PRKAG2: variants seen among roughly 807,000 people sequenced by gnomAD.
PRKAG2 encodes the protein protein kinase AMP-activated non-catalytic subunit gamma 2.
PRKAG2 carries 26 observed loss-of-function variants against 69.6 expected under a neutral mutation model. That is an observed-to-expected ratio of 0.37 (90% CI 0.27 to 0.52). The LOEUF (loss-of-function observed/expected upper bound fraction) is 0.52. Ranked by LOEUF, PRKAG2 falls within the 20% of genes least tolerant of loss-of-function variation. The probability of loss-of-function intolerance (pLI) is 0.90; values close to 1 mark genes in which losing one functional copy is unlikely to be tolerated. For missense variants in PRKAG2, 557 were observed against 740.0 expected (o/e 0.75, Z 2.87); for synonymous variants, 293 against 285.0 (o/e 1.03, Z -0.28).
intron 1 of PRKAG2, among the ~76,000 whole-genome samples, chr7:151,845,008 G>C (rs1259384849): frequency 6.6e-6 from 1 of 152,094 alleles, no homozygotes; most frequent in East Asian, 1.9e-4. Flanking sequence ...AGTGTATGCG[G>C]AGCTCCAGGG....
rs200589374 is a variant in PRKAG2 at position 151,565,815 on chromosome 7, T to C, written c.1304A>G (p.Asn435Ser). Residue 435 changes from asparagine to serine, a missense_variant, in exon 12 of 16, where the codon AAC (asparagine) becomes AGC (serine). By Grantham distance (46) the Asn-to-Ser change is conservative. Transcript: ENST00000287878. ...LDELGIGTYH[N>S]IAFIHPDTPI... ...AGTGTCTGGATGTATGAAGGCAATG[T>C]TGTGGTACGTTCCTATTCCAAGCTC... is the stretch of plus-strand genomic sequence containing the variant. 6.8e-5 allele frequency: 110 copies of C among 1,612,214 alleles called. No individual in the cohort carries two copies. The highest frequency in any genetic ancestry group is 2.3e-4 in the Admixed American group (14 of 60,002).
At position 151,795,211 on chromosome 7, in the gene PRKAG2, A is replaced by C. The variant is rs1346265740; in HGVS notation, c.115-8670T>G. On this transcript the variant is annotated intron_variant, in intron 1 of 15. Transcript: ENST00000287878. ...GCACCTAGAGGGACAGGTTGGGTGG[A>C]GGCTACAGGAGTCTGGGTCAGCTCC... Among the ~76,000 whole-genome samples the C allele has an allele frequency of 3.3e-5, 5 of 152,010 alleles. No individual in the cohort carries two copies. The South Asian group carries it at 8.3e-4, about 25-fold the overall frequency.
chr7:151,872,076 T>C lies in PRKAG2; in HGVS notation c.114+4431A>G, dbSNP rs2080230791. ...GTGAGGAAGCAAATGTGATTCCCCA[T>C]GGACGTGCTGCCCTCTGCTGAGACA... On this transcript the variant is annotated intron_variant, in intron 1 of 15. Transcript: ENST00000287878. 2.0e-5 allele frequency among the ~76,000 whole-genome samples: 3 copies of C among 152,312 alleles called. No homozygotes were observed. In the South Asian group the frequency reaches 6.2e-4, roughly 32 times the overall value.
At chr7:151,736,651 G>GC (rs1799857733) in intron 3 of PRKAG2, among the ~76,000 whole-genome samples, 1 of 152,192 alleles carries the variant, frequency 6.6e-6, no homozygotes, top group Non-Finnish European at 1.5e-5. Context: ...GGGTGGAGAA[G>GC]CCACACAAGT....
At chr7:151,817,205 C>G (rs1049016399) in intron 1 of PRKAG2, among the ~76,000 whole-genome samples, 1 of 152,190 alleles carries the variant, frequency 6.6e-6, no homozygotes, top group Non-Finnish European at 1.5e-5. Context: ...CTGTCTTGAA[C>G]AACAGAGCCT....
At chr7:151,633,565 C>G (rs2151333771) in intron 4 of PRKAG2, among the ~76,000 whole-genome samples, 1 of 151,818 alleles carries the variant, frequency 6.6e-6, no homozygotes, top group South Asian at 2.1e-4. Flanking sequence ...AAGGTCATAG[C>G]ATACAAGATC....
At chr7:151,617,934 T>C (rs1210863546) in intron 5 of PRKAG2, among the ~76,000 whole-genome samples, 1 of 152,224 alleles carries the variant, frequency 6.6e-6, no homozygotes, top group African/African-American at 2.4e-5. Context: ...TATAGTGTTT[T>C]CTCTTTTTAG....
intron 3 of PRKAG2, among the ~76,000 whole-genome samples, chr7:151,770,972 G>A (rs1291260633): frequency 1.3e-5 from 2 of 152,200 alleles, no homozygotes; most frequent in Non-Finnish European, 2.9e-5. Flanking sequence ...GGCTCCCTAA[G>A]ATTCAAGCAG....
chr7:151,566,557 G>A (rs993567116), intron 11 of PRKAG2: 41 of 449,174 alleles, frequency 9.1e-5, no homozygotes, highest in African/African-American at 1.4e-4. Context: ...TAAGGTCTAC[G>A]GTTTCAAAAA....
chr7:151,558,500 A>C, intron 15 of PRKAG2: 1 of 972,480 alleles, frequency 1.0e-6, no homozygotes, highest in Non-Finnish European at 1.2e-6. Flanking sequence ...AGGTGAAGCG[A>C]CTTGCTTACA....
chr7:151,731,469 C>T (rs915721863), intron 3 of PRKAG2, among the ~76,000 whole-genome samples: 30 of 152,196 alleles, frequency 2.0e-4, no homozygotes, highest in African/African-American at 7.2e-4. Flanking sequence ...TACGAATGGA[C>T]CTGGTGATTC....
At chr7:151,741,677 A>T (rs78509105) in intron 3 of PRKAG2, among the ~76,000 whole-genome samples, 1 of 39,292 alleles carries the variant, frequency 2.5e-5, no homozygotes, top group East Asian at 1.3e-3. Context: ...TCTGTCTCAA[A>T]AAAAAAAAAA....
chr7:151,744,749 C>T (rs2074158638), intron 3 of PRKAG2, among the ~76,000 whole-genome samples: 1 of 152,160 alleles, frequency 6.6e-6, no homozygotes, highest in African/African-American at 2.4e-5. Context: ...CTTCCCAGGG[C>T]AGGGCTGCTG....
At chr7:151,688,635 G>A (rs948710562) in intron 3 of PRKAG2, among the ~76,000 whole-genome samples, 9 of 152,240 alleles carry the variant, frequency 5.9e-5, no homozygotes, top group Non-Finnish European at 1.0e-4. Context: ...TGCTTGCCGC[G>A]GAGTGTTTCC....
At chr7:151,684,001 C>G (rs2151503095) in intron 3 of PRKAG2, among the ~76,000 whole-genome samples, 1 of 152,308 alleles carries the variant, frequency 6.6e-6, no homozygotes, top group African/African-American at 2.4e-5. Flanking sequence ...CGCACGGCCC[C>G]TATTGCCCGC....
chr7:151,776,266 C>T (rs2076341836), intron 3 of PRKAG2, among the ~76,000 whole-genome samples: 3 of 152,348 alleles, frequency 2.0e-5, no homozygotes, highest in South Asian at 2.1e-4. Flanking sequence ...CCTAATCAAT[C>T]CTTGCCCTTG....
chr7:151,808,372 G>T (rs922486338), intron 1 of PRKAG2, among the ~76,000 whole-genome samples: 15 of 152,128 alleles, frequency 9.9e-5, no homozygotes, highest in Non-Finnish European at 2.2e-4. Flanking sequence ...AACTGATTTG[G>T]GGGGAAACTG....
intron 1 of PRKAG2, chr7:151,806,997 AC>A: frequency 2.2e-6 from 1 of 456,146 alleles, no homozygotes; most frequent in South Asian, 1.6e-5. Flanking sequence ...ACTTGTGTCC[AC>A]CTGGGTTCAG....
chr7:151,557,047 T>C lies in PRKAG2; in HGVS notation c.*154A>G. On this transcript the variant is annotated 3_prime_UTR_variant, in exon 16 of 16. Transcript: ENST00000287878. ...AATCTTCAAGCACATAAAATCTTTC[T>C]TTTTTAAGCTTAATTTCAACATCAC... is the stretch of plus-strand genomic sequence containing the variant. 2 of 1,309,612 alleles carry C rather than the reference T, an allele frequency of 1.5e-6. No homozygotes were observed. Among genetic ancestry groups the C allele is most frequent in the South Asian group, 2.6e-5 (2 of 77,918 alleles). The allele number at this position is 1,309,612 out of a possible 1,614,324, so 81.1% of individuals were successfully genotyped here. A position where few individuals can be genotyped will look rare whatever the true frequency, so the allele number is the denominator to read the frequency against.
Sources: gnomAD v4.1 joint callset for allele counts (sites outside exome capture counted in the v4.1 genomes callset) on GRCh38, gnomAD v4.1.1 for gene constraint, MANE v1.5 for transcripts, NCBI Gene and HGNC (gene_info 2026-07-23, HGNC 2026-07-21) for gene names.